The following ZDHHC17 variants were observed in gnomAD, a reference collection of about 807,000 sequenced individuals.
The protein encoded by ZDHHC17 is zDHHC palmitoyltransferase 17, also known as palmitoyltransferase ZDHHC17.
ZDHHC17 carries 40 observed loss-of-function variants against 90.3 expected under a neutral mutation model. That is an observed-to-expected ratio of 0.44 (90% confidence interval 0.34 to 0.58). ZDHHC17 has a LOEUF of 0.58. Among genes scored for constraint, ZDHHC17 ranks in the 20% least tolerant of loss-of-function variants. ZDHHC17 has a pLI of 0.01. For synonymous variants in ZDHHC17, 235 were observed against 252.4 expected, an observed-to-expected ratio of 0.93 and a Z score of 0.65; for missense variants, 614 against 780.8, an observed-to-expected ratio of 0.79 and a Z score of 2.55.
intron 10 of ZDHHC17, among the ~76,000 whole-genome samples, chr12:76,829,510 C>A (rs1953274029): frequency 6.8e-6 from 1 of 147,994 alleles, no homozygotes; most frequent in South Asian, 2.1e-4. Flanking sequence ...TCAGCCATCT[C>A]CATTTTATAC....
intron 1 of ZDHHC17, among the ~76,000 whole-genome samples, chr12:76,780,009 T>C (rs1952604064): frequency 6.6e-6 from 1 of 152,224 alleles, no homozygotes; most frequent in Non-Finnish European, 1.5e-5. Context: ...CATTGATTTA[T>C]GTATTCCTCA....
chr12:76,823,531 G>T (rs1428161856), intron 8 of ZDHHC17, among the ~76,000 whole-genome samples: 1 of 152,184 alleles, frequency 6.6e-6, no homozygotes, highest in Admixed American at 6.5e-5. Context: ...CTAAATAATT[G>T]TCAAGATGTC....
At chr12:76,807,548 T>C (rs1326244193) in intron 3 of ZDHHC17, among the ~76,000 whole-genome samples, 3 of 152,194 alleles carry the variant, frequency 2.0e-5, no homozygotes, top group Admixed American at 6.5e-5. Context: ...TAAGGTCTTA[T>C]AGCTACACGA....
At chr12:76,772,418 G>A (rs1952503249) in intron 1 of ZDHHC17, among the ~76,000 whole-genome samples, 1 of 152,036 alleles carries the variant, frequency 6.6e-6, no homozygotes, top group African/African-American at 2.4e-5. Flanking sequence ...TTCTACACTA[G>A]CGTGGTACAC....
chr12:76,787,421 C>T (rs930414299), intron 1 of ZDHHC17, among the ~76,000 whole-genome samples: 6 of 152,172 alleles, frequency 3.9e-5, no homozygotes, highest in African/African-American at 7.2e-5. Context: ...CAGTGTTATG[C>T]ATTCCCTGGA....
chr12:76,826,788 A>C, intron 8 of ZDHHC17, 120 bp from the exon 9 acceptor site: 8 of 986,508 alleles, frequency 8.1e-6, no homozygotes, highest in Non-Finnish European at 1.1e-5. Flanking sequence ...GATACATAGC[A>C]TGCAAATTTG....
chr12:76,848,099 A>G (rs1271770878), intron 14 of ZDHHC17, 134 bp from the exon 15 acceptor site: 1 of 836,956 alleles, frequency 1.2e-6, no homozygotes, highest in Admixed American at 2.8e-5. Flanking sequence ...GAGTATAAAG[A>G]CATTTGCTAT....
intron 10 of ZDHHC17, among the ~76,000 whole-genome samples, chr12:76,834,420 C>A (rs1206023986): frequency 6.6e-6 from 1 of 152,108 alleles, no homozygotes; most frequent in Non-Finnish European, 1.5e-5. Context: ...ATAAACTGTG[C>A]AGAATCTGGG....
At chr12:76,772,779 T>G (rs1952510523) in intron 1 of ZDHHC17, among the ~76,000 whole-genome samples, 1 of 150,972 alleles carries the variant, frequency 6.6e-6, no homozygotes, top group South Asian at 2.1e-4. Context: ...TCTCCTGACC[T>G]CGTGATCCAC....
At chr12:76,825,085 G>C (rs969798109) in intron 8 of ZDHHC17, among the ~76,000 whole-genome samples, 4 of 152,062 alleles carry the variant, frequency 2.6e-5, no homozygotes, top group African/African-American at 7.2e-5. Flanking sequence ...GGCTATAAAA[G>C]GGCAATATGA....
At position 76,850,963 on chromosome 12, in the gene ZDHHC17, G is replaced by A; in HGVS notation, c.1877G>A (p.Gly626Glu). The change falls in exon 17 of 17, where the codon GGA (glycine) becomes GAA (glutamate). Residue 626 changes from glycine to glutamate, a missense_variant. Gly to Glu is a moderately conservative substitution (Grantham distance 98, BLOSUM62 -2). Coordinates refer to ENST00000426126, the MANE Select transcript of ZDHHC17 (RefSeq NM_015336.4). Reference sequence around the variant, plus strand: ...ACAATAGAATATGACCAAATATCAGGATCTGGGTACCAGCTGGTGTAGCGA... The same window carrying A: ...ACAATAGAATATGACCAAATATCAGAATCTGGGTACCAGCTGGTGTAGCGA... The part of the protein sequence containing the change: ...QYTIEYDQIS[G>E]SGYQLV 1 of 1,613,892 alleles carries A rather than the reference G, an allele frequency of 6.2e-7. No homozygotes were observed. The highest frequency in any genetic ancestry group is 8.5e-7 in the Non-Finnish European group (1 of 1,179,860).
rs766072017 is a variant in ZDHHC17, at chr12:76,815,951, G to T, written c.703G>T (p.Ala235Ser). The change falls in exon 7 of 17, where the codon GCA becomes TCA. Residue 235 changes from alanine to serine, a missense_variant. This residue lies in a region of ZDHHC17 where 358 missense variants were observed against 380.4 expected (regional missense o/e 0.94). Coordinates refer to ENST00000426126, the MANE Select transcript of ZDHHC17 (RefSeq NM_015336.4). ...KNTALHWAVL[A>S]GNTTVISLLL... ...CACTGCTCTGCATTGGGCAGTGCTA[G>T]CAGGGAATACCACAGTCATTAGCCT... 1.9e-6 allele frequency: 3 copies of T among 1,582,690 alleles called. No individual in the cohort carries two copies. The highest frequency in any genetic ancestry group is 2.6e-6 in the Non-Finnish European group (3 of 1,163,316).
chr12:76,795,543 TG>T (rs1291656163), intron 1 of ZDHHC17, among the ~76,000 whole-genome samples: 2 of 152,124 alleles, frequency 1.3e-5, no homozygotes, highest in Non-Finnish European at 2.9e-5. Context: ...ATTTTCCTTG[TG>T]GTTGGAGAGA....
chr12:76,848,134 CTG>C, intron 14 of ZDHHC17, 97 bp from the exon 15 acceptor site: 1 of 1,247,684 alleles, frequency 8.0e-7, no homozygotes, highest in South Asian at 1.5e-5. Context: ...TAAATCTAGA[CTG>C]TTTGACTATG....
chr12:76,851,136 T>C lies in ZDHHC17; in HGVS notation c.*151T>C. ...TTTTACAGTCTTTTTTTCAACACTT[T>C]TATTAACAAAAGTAAACATGGACAG... is the stretch of plus-strand genomic sequence containing the variant. On this transcript the variant is annotated 3_prime_UTR_variant, in exon 17 of 17. Coordinates refer to ENST00000426126, the MANE Select transcript of ZDHHC17 (RefSeq NM_015336.4). 3 of 883,544 alleles carry C rather than the reference T, an allele frequency of 3.4e-6. No homozygotes were observed. Among genetic ancestry groups the C allele is most frequent in the Non-Finnish European group, 3.3e-6 (2 of 602,008 alleles). 54.7% of individuals were successfully genotyped at this position (883,544 alleles called of 1,614,324 possible).
At chr12:76,812,349 A>G (rs987911424) in intron 5 of ZDHHC17, among the ~76,000 whole-genome samples, 2 of 152,024 alleles carry the variant, frequency 1.3e-5, no homozygotes, top group Non-Finnish European at 2.9e-5. Flanking sequence ...CAACTCTGAC[A>G]TGCTGTTGTC....
chr12:76,785,239 G>A (rs1372162867), intron 1 of ZDHHC17, among the ~76,000 whole-genome samples: 1 of 152,084 alleles, frequency 6.6e-6, no homozygotes, highest in African/African-American at 2.4e-5. Flanking sequence ...TAAATTGCCA[G>A]GACCTTCAGT....
intron 1 of ZDHHC17, among the ~76,000 whole-genome samples, chr12:76,765,089 A>G (rs73144876): frequency 0.037 from 5,653 of 152,262 alleles, 110 homozygotes; most frequent in Middle Eastern, 0.068. Flanking sequence ...AGCTAGTGCT[A>G]GTTAAGGCTT....
intron 2 of ZDHHC17, among the ~76,000 whole-genome samples, chr12:76,802,994 G>A (rs1952910105): frequency 6.6e-6 from 1 of 152,132 alleles, no homozygotes; most frequent in Non-Finnish European, 1.5e-5. Flanking sequence ...GCTGACACCT[G>A]TAATCCCAGC....
Sources: allele counts gnomAD v4.1 joint callset (sites outside exome capture counted in the v4.1 genomes callset), GRCh38; gene constraint gnomAD v4.1.1; regional missense constraint gnomAD v4.1.1; transcripts MANE v1.5; gene names NCBI Gene and HGNC (gene_info 2026-07-23, HGNC 2026-07-21).